EEIG2: variants seen among roughly 807,000 people sequenced by gnomAD.
EEIG2 encodes the protein family with sequence similarity 102 member B.
the EEIG2 span, among the ~76,000 whole-genome samples, chr1:108,595,934 T>A: frequency 6.6e-6 from 1 of 152,158 alleles, no homozygotes; most frequent in Admixed American, 6.5e-5. Flanking sequence ...AAGACGTATT[T>A]GCAGAAATAT....
At chr1:108,590,385 T>G in the EEIG2 span, among the ~76,000 whole-genome samples, 4 of 152,356 alleles carry the variant, frequency 2.6e-5, no homozygotes, top group Non-Finnish European at 4.4e-5. Flanking sequence ...AAATCTTTCC[T>G]TATAAATTTG....
At chr1:108,567,169 T>G in the EEIG2 span, among the ~76,000 whole-genome samples, 1 of 152,140 alleles carries the variant, frequency 6.6e-6, no homozygotes. Flanking sequence ...ATAAAAAATT[T>G]TTTAATTAAA....
At chr1:108,598,690 T>C in the EEIG2 span, among the ~76,000 whole-genome samples, 1 of 152,230 alleles carries the variant, frequency 6.6e-6, no homozygotes, top group East Asian at 1.9e-4. Flanking sequence ...GTAGAATGCA[T>C]GCCCTCCTCT....
the EEIG2 span, among the ~76,000 whole-genome samples, chr1:108,601,280 G>A: frequency 6.0e-4 from 91 of 151,832 alleles, no homozygotes; most frequent in Non-Finnish European, 1.2e-3. Flanking sequence ...GTGTGTATGT[G>A]TTTGTGCGTG....
the EEIG2 span, chr1:108,600,682 G>A: frequency 6.2e-7 from 1 of 1,604,938 alleles, no homozygotes; most frequent in Non-Finnish European, 8.5e-7. Context: ...GTATCCGTGA[G>A]GAAGGTATAA....
At chr1:108,628,288 T>C in the EEIG2 span, 1 of 1,613,030 alleles carries the variant, frequency 6.2e-7, no homozygotes, top group African/African-American at 1.3e-5. Context: ...GAAGTTGAAT[T>C]CCTTATTGTT....
At chr1:108,571,860 T>G in the EEIG2 span, among the ~76,000 whole-genome samples, 1 of 152,222 alleles carries the variant, frequency 6.6e-6, no homozygotes, top group African/African-American at 2.4e-5. Context: ...TTTTAACTAT[T>G]ATTTCAGAGG....
the EEIG2 span, among the ~76,000 whole-genome samples, chr1:108,560,979 A>G: frequency 6.6e-6 from 1 of 152,218 alleles, no homozygotes; most frequent in Admixed American, 6.5e-5. Flanking sequence ...TCTCCCTTGT[A>G]GATTACAAGG....
At chr1:108,560,276 GCCCCGGCCGCGGCCGGCCTGCGGCGCC>G in the EEIG2 span, 1,574 of 352,078 alleles carry the variant, frequency 4.5e-3, 4 homozygotes, top group Middle Eastern at 0.024. Context: ...GGCGGCAGCG[GCCCCGGCCGCGGCCGGCCTGCGGCGCC>G]CCCCGGCCGC....
the EEIG2 span, chr1:108,560,368 G>C: frequency 2.1e-6 from 3 of 1,438,514 alleles, no homozygotes; most frequent in South Asian, 2.5e-5. Flanking sequence ...TCCGGGGCTC[G>C]GCCAAGCTGA....
chr1:108,584,290 A>G, the EEIG2 span, among the ~76,000 whole-genome samples: 1 of 152,310 alleles, frequency 6.6e-6, no homozygotes, highest in Non-Finnish European at 1.5e-5. Flanking sequence ...AAATATTAAA[A>G]ACAAACTCAT....
chr1:108,583,313 T>C, the EEIG2 span, among the ~76,000 whole-genome samples: 2 of 151,948 alleles, frequency 1.3e-5, no homozygotes, highest in East Asian at 3.9e-4. Flanking sequence ...CCTGCTAATA[T>C]TGTATTTTTT....
chr1:108,582,211 C>A, the EEIG2 span, among the ~76,000 whole-genome samples: 1 of 152,144 alleles, frequency 6.6e-6, no homozygotes, highest in Admixed American at 6.5e-5. Flanking sequence ...GACATAGCTT[C>A]TTTATGCACT....
the EEIG2 span, among the ~76,000 whole-genome samples, chr1:108,582,949 AT>A: frequency 6.6e-6 from 1 of 150,894 alleles, no homozygotes; most frequent in Non-Finnish European, 1.5e-5. Context: ...AGATGATTTT[AT>A]TCTTTAGGTA....
chr1:108,631,995 T>A, the EEIG2 span, among the ~76,000 whole-genome samples: 4 of 150,928 alleles, frequency 2.7e-5, no homozygotes, highest in Non-Finnish European at 5.9e-5. Context: ...GCGCCTGTAA[T>A]CCCAGCTACT....
chr1:108,586,863 A>G, the EEIG2 span, among the ~76,000 whole-genome samples: 1 of 152,196 alleles, frequency 6.6e-6, no homozygotes, highest in Non-Finnish European at 1.5e-5. Context: ...TTTTTAGAAT[A>G]TTTAGAAAGA....
At chr1:108,568,625 A>T in the EEIG2 span, among the ~76,000 whole-genome samples, 1 of 152,244 alleles carries the variant, frequency 6.6e-6, no homozygotes, top group Non-Finnish European at 1.5e-5. Context: ...GTATTTTTAA[A>T]AAATAACTGG....
At chr1:108,616,450 G>A in the EEIG2 span, 6 of 1,459,328 alleles carry the variant, frequency 4.1e-6, no homozygotes, top group South Asian at 7.0e-5. Context: ...CCCAATAAAT[G>A]GATTATGTAT....
chr1:108,565,578 A>G, the EEIG2 span, among the ~76,000 whole-genome samples: 3 of 152,266 alleles, frequency 2.0e-5, no homozygotes, highest in African/African-American at 4.8e-5. Context: ...AATTTTTTCT[A>G]TATCTTTTAG....
Sources: allele counts gnomAD v4.1 joint callset (sites outside exome capture counted in the v4.1 genomes callset), GRCh38; gene constraint gnomAD v4.1.1; transcripts MANE v1.5; gene names NCBI Gene and HGNC (gene_info 2026-07-23, HGNC 2026-07-21).